The following CMIP variants were observed in gnomAD, a reference collection of about 807,000 sequenced individuals.
CMIP encodes C-Maf-inducing protein.
A neutral mutation model predicts 97.3 loss-of-function variants in CMIP; 13 were observed. The observed-to-expected ratio is 0.13, with a 90% CI of 0.09 to 0.21. The LOEUF is 0.21. CMIP is among the 10% of genes least tolerant of loss of function. The pLI, the probability that CMIP is intolerant of heterozygous loss-of-function variation, is 1.00. For missense variants in CMIP, 847 were observed against 1,024.9 expected (o/e 0.83, Z 2.37); for synonymous variants, 538 against 436.3 (o/e 1.23, Z -2.91).
chr16:81,670,028 C>T, intron 7 of CMIP, 114 bp from the exon 8 acceptor site: 1 of 984,308 alleles, frequency 1.0e-6, no homozygotes, highest in Non-Finnish European at 1.5e-6. Context: ...TTGCCTTCCA[C>T]ATCAACAGCT....
At chr16:81,685,445 G>T (rs1256987387) in intron 10 of CMIP, among the ~76,000 whole-genome samples, 2 of 152,164 alleles carry the variant, frequency 1.3e-5, no homozygotes, top group African/African-American at 2.4e-5. Context: ...TGGGGACCCT[G>T]ATTCCTCTGA....
At chr16:81,544,648 G>A (rs933281013) in intron 1 of CMIP, among the ~76,000 whole-genome samples, 1 of 151,956 alleles carries the variant, frequency 6.6e-6, no homozygotes, top group East Asian at 1.9e-4. Context: ...GTGCCTGTGT[G>A]TGTGTGTGTA....
intron 3 of CMIP, among the ~76,000 whole-genome samples, chr16:81,624,806 C>A (rs965479734): frequency 6.6e-6 from 1 of 152,190 alleles, no homozygotes; most frequent in Non-Finnish European, 1.5e-5. Context: ...ATGGAATTGA[C>A]CTCAAATTGT....
intron 10 of CMIP, among the ~76,000 whole-genome samples, chr16:81,686,311 C>T (rs533087691): frequency 4.6e-5 from 7 of 152,262 alleles, no homozygotes; most frequent in African/African-American, 1.2e-4. Flanking sequence ...CATGTGAATA[C>T]GGGGGCATAA....
intron 1 of CMIP, among the ~76,000 whole-genome samples, chr16:81,477,236 A>C (rs975617942): frequency 5.3e-5 from 8 of 151,754 alleles, no homozygotes; most frequent in Non-Finnish European, 1.2e-4. Flanking sequence ...GCTCACTGCA[A>C]CCTCAGCCTC....
At chr16:81,578,776 C>T (rs1390366276) in intron 1 of CMIP, among the ~76,000 whole-genome samples, 1 of 152,254 alleles carries the variant, frequency 6.6e-6, no homozygotes, top group Non-Finnish European at 1.5e-5. Flanking sequence ...AACACCTGCT[C>T]CCTTCCTGCA....
chr16:81,687,417 G>C (rs1010577507), intron 10 of CMIP, among the ~76,000 whole-genome samples: 1 of 152,216 alleles, frequency 6.6e-6, no homozygotes, highest in Non-Finnish European at 1.5e-5. Flanking sequence ...GCCCAGGCCT[G>C]GCTTAGGCGA....
intron 1 of CMIP, among the ~76,000 whole-genome samples, chr16:81,465,265 A>G (rs1907133006): frequency 6.6e-6 from 1 of 152,112 alleles, no homozygotes; most frequent in Non-Finnish European, 1.5e-5. Flanking sequence ...TTCCATCCAT[A>G]CTTGATGATG....
At chr16:81,595,892 A>C (rs1484835347) in intron 1 of CMIP, among the ~76,000 whole-genome samples, 1 of 152,094 alleles carries the variant, frequency 6.6e-6, no homozygotes, top group African/African-American at 2.4e-5. Context: ...CAACTCTTAG[A>C]TGTATATCTA....
chr16:81,672,023 C>T lies in CMIP; in HGVS notation c.987C>T (p.Ala329=), dbSNP rs976536473. 1.4e-5 allele frequency: 22 copies of T among 1,606,268 alleles called. No homozygotes were observed. The highest frequency in any genetic ancestry group is 8.0e-5 in the African/African-American group (6 of 74,848). The stretch of plus-strand genomic sequence containing the variant: ...CCCGGGTCCTGCCCAACCTGGTGGC[C>T]GTGTGCCTGGCTGCCATCTACTCCT... ...PHPRVLPNLV[A]VCLAAIYSCY... is the part of the protein sequence containing the mutation. Residue 329 remains alanine (A), a synonymous_variant, in exon 9 of 21, where the codon GCC becomes GCT. Transcript: ENST00000537098.
chr16:81,697,806 A>T (rs2151090572), intron 14 of CMIP: 1 of 152,112 alleles, frequency 6.6e-6, no homozygotes, highest in East Asian at 1.9e-4. Flanking sequence ...AAAAGGGCTT[A>T]TTTTTAGGCC....
chr16:81,568,660 C>T (rs557520662), intron 1 of CMIP, among the ~76,000 whole-genome samples: 4 of 152,306 alleles, frequency 2.6e-5, no homozygotes, highest in Non-Finnish European at 4.4e-5. Flanking sequence ...TAGGAATCAG[C>T]CTAACAGATC....
At chr16:81,705,806 C>A (rs184420566) in intron 19 of CMIP, among the ~76,000 whole-genome samples, 4 of 152,262 alleles carry the variant, frequency 2.6e-5, no homozygotes, top group Admixed American at 2.6e-4. Context: ...ATATCCCTAA[C>A]CTCAGAGAGC....
chr16:81,502,301 T>C (rs1309237228), intron 1 of CMIP, among the ~76,000 whole-genome samples: 3 of 152,212 alleles, frequency 2.0e-5, no homozygotes, highest in Non-Finnish European at 2.9e-5. Flanking sequence ...CAGTTTACAC[T>C]TGTAGTCCTA....
intron 1 of CMIP, among the ~76,000 whole-genome samples, chr16:81,564,630 G>A (rs1257651080): frequency 1.3e-5 from 2 of 152,210 alleles, no homozygotes; most frequent in South Asian, 2.1e-4. Flanking sequence ...TTCCAAGAGT[G>A]TGCTCTTGAG....
chr16:81,626,549 ATGTG>A (rs916787546), intron 3 of CMIP, among the ~76,000 whole-genome samples: 10 of 110,622 alleles, frequency 9.0e-5, no homozygotes, highest in Non-Finnish European at 1.7e-4. Context: ...ATGGGTGTGC[ATGTG>A]TGTGTGGTGT....
intron 1 of CMIP, among the ~76,000 whole-genome samples, chr16:81,569,564 G>A (rs989490572): frequency 6.6e-6 from 1 of 152,226 alleles, no homozygotes. Context: ...CTGCCAAGGA[G>A]GCAAGCGGGC....
rs558227766 is a variant in CMIP at position 81,684,321 on chromosome 16, A to G, written c.1388+5693A>G. On this transcript the variant is annotated intron_variant, in intron 10 of 20. Transcript: ENST00000537098. ...GGGAGCAGATGTTTCTGGATGTTGCATAGCAGGAGCAAAGTGGTCTGAATG... is the reference window on the plus strand; with the variant it reads ...GGGAGCAGATGTTTCTGGATGTTGCGTAGCAGGAGCAAAGTGGTCTGAATG... 3.9e-5 allele frequency among the ~76,000 whole-genome samples: 6 copies of G among 152,388 alleles called. No homozygotes were observed. In the South Asian group the frequency reaches 1.2e-3, roughly 32 times the overall value.
chr16:81,489,960 C>T (rs2089379742), intron 1 of CMIP, among the ~76,000 whole-genome samples: 1 of 152,196 alleles, frequency 6.6e-6, no homozygotes, highest in South Asian at 2.1e-4. Context: ...GTGTTTCCGG[C>T]CACCGGGATT....
Sources: allele counts gnomAD v4.1 joint callset (sites outside exome capture counted in the v4.1 genomes callset), GRCh38; gene constraint gnomAD v4.1.1; transcripts MANE v1.5; gene names NCBI Gene and HGNC (gene_info 2026-07-23, HGNC 2026-07-21).